PRKD1: variants seen among roughly 807,000 people sequenced by gnomAD.
The protein encoded by PRKD1 is protein kinase D1.
A neutral mutation model predicts 95.9 loss-of-function variants in PRKD1; 63 were observed. The observed-to-expected ratio is 0.66, with a 90% confidence interval of 0.54 to 0.81. The LOEUF is 0.81. Among genes scored for constraint, PRKD1 ranks in the 30% least tolerant of loss-of-function variants. The pLI, the probability that PRKD1 is intolerant of heterozygous loss-of-function variation, is 0.00. For missense variants in PRKD1, 1,048 were observed against 1,165.3 expected (o/e 0.90, Z 1.47); for synonymous variants, 425 against 423.1 (o/e 1.00, Z -0.05).
At chr14:29,908,741 G>A (rs184239460) in intron 1 of PRKD1, among the ~76,000 whole-genome samples, 8 of 152,348 alleles carry the variant, frequency 5.3e-5, no homozygotes, top group Admixed American at 3.9e-4. Context: ...ACACTAGAAA[G>A]TGGTGTCATG....
At chr14:29,757,731 T>C (rs1317041455) in intron 1 of PRKD1, among the ~76,000 whole-genome samples, 1 of 151,666 alleles carries the variant, frequency 6.6e-6, no homozygotes, top group Non-Finnish European at 1.5e-5. Context: ...AAACAGGGCC[T>C]GATCATAGAT....
At chr14:29,754,823 AT>A (rs1887624980) in intron 1 of PRKD1, among the ~76,000 whole-genome samples, 1 of 152,092 alleles carries the variant, frequency 6.6e-6, no homozygotes. Flanking sequence ...CTTTCATAAA[AT>A]TTTTGAAGTT....
intron 1 of PRKD1, among the ~76,000 whole-genome samples, chr14:29,839,092 CG>C (rs1040282106): frequency 2.7e-5 from 4 of 150,560 alleles, no homozygotes; most frequent in Non-Finnish European, 1.5e-5. Flanking sequence ...CATCAATAAA[CG>C]AAAAAAAAAA....
intron 1 of PRKD1, among the ~76,000 whole-genome samples, chr14:29,830,453 G>C (rs894138761): frequency 6.6e-6 from 1 of 151,976 alleles, no homozygotes; most frequent in African/African-American, 2.4e-5. Flanking sequence ...ATTAATCTAA[G>C]AATTAAGTCA....
rs564045463 is a variant in PRKD1, at chr14:29,794,909, C to T, written c.265-69235G>A. Among the ~76,000 whole-genome samples, 8 of 152,176 alleles carry T rather than the reference C, an allele frequency of 5.3e-5. No homozygotes were observed. The South Asian group carries it at 1.7e-3, about 32-fold the overall frequency. On this transcript the variant is annotated intron_variant, in intron 1 of 17. Coordinates refer to ENST00000331968, the MANE Select transcript of PRKD1 (RefSeq NM_002742.3). ...GCAATGTGTGAGTTCATAAACATCC[C>T]TACAGACTCACTAAAAATCAGATTT...
intron 1 of PRKD1, among the ~76,000 whole-genome samples, chr14:29,755,399 C>A (rs1323247537): frequency 6.6e-6 from 1 of 152,064 alleles, no homozygotes; most frequent in Non-Finnish European, 1.5e-5. Context: ...AATGATGTAG[C>A]CTTCTATTCC....
Position 29,725,614 on chromosome 14 carries a change from T to C in PRKD1, c.325A>G (p.Thr109Ala). Reference protein sequence around the residue: ...DKILLFRHDPTSENILQLVKA... With the variant: ...DKILLFRHDPASENILQLVKA... ...ACCAGCTGAAGGATGTTTTCAGAGG[T>C]AGGGTCATGGCGAAAAAGCAGGATC... The change falls in exon 2 of 18, where the codon ACC (threonine) becomes GCC (alanine). Residue 109 changes from threonine to alanine, a missense_variant. Thr to Ala is a moderately conservative substitution (Grantham distance 58). This residue lies in a region of PRKD1 where 275 missense variants were observed against 248.6 expected (regional missense o/e 1.11). Coordinates refer to ENST00000331968, the MANE Select transcript of PRKD1 (RefSeq NM_002742.3). 1 of 1,613,596 alleles carries C rather than the reference T, an allele frequency of 6.2e-7. No individual in the cohort carries two copies. The highest frequency in any genetic ancestry group is 8.5e-7 in the Non-Finnish European group (1 of 1,179,710).
intron 1 of PRKD1, among the ~76,000 whole-genome samples, chr14:29,865,304 G>GT (rs1381335550): frequency 6.6e-5 from 10 of 152,232 alleles, no homozygotes; most frequent in South Asian, 2.1e-4. Context: ...AAATAAATAG[G>GT]TTTTTTTAAA....
At chr14:29,617,203 T>A (rs1186674064) in intron 13 of PRKD1, among the ~76,000 whole-genome samples, 1 of 152,182 alleles carries the variant, frequency 6.6e-6, no homozygotes, top group Non-Finnish European at 1.5e-5. Context: ...TCTACCATTT[T>A]TCACCATTTA....
At chr14:29,678,300 A>G (rs1290996841) in intron 2 of PRKD1, among the ~76,000 whole-genome samples, 1 of 152,178 alleles carries the variant, frequency 6.6e-6, no homozygotes, top group East Asian at 1.9e-4. Flanking sequence ...ATGTCTCTAC[A>G]TCTTGGTAAA....
At chr14:29,727,468 C>T (rs1369948964) in intron 1 of PRKD1, among the ~76,000 whole-genome samples, 1 of 151,514 alleles carries the variant, frequency 6.6e-6, no homozygotes, top group Non-Finnish European at 1.5e-5. Flanking sequence ...AAGTCCTTGC[C>T]CGTGCCTATG....
At position 29,672,351 on chromosome 14, in the gene PRKD1, T is replaced by A. The variant is rs574945962; in HGVS notation, c.404-6143A>T. On this transcript the variant is annotated intron_variant, in intron 2 of 17. Transcript: ENST00000331968. ...GCGAGACTCTGTCTCAAAAAAAAAATAAAATAAAATAAAATAAAATAAAAT... is the reference window on the plus strand; with the variant it reads ...GCGAGACTCTGTCTCAAAAAAAAAAAAAAATAAAATAAAATAAAATAAAAT... Among the ~76,000 whole-genome samples, 729 of 146,418 alleles carry A rather than the reference T, an allele frequency of 5.0e-3. 4 individuals carry two copies. The highest frequency in any genetic ancestry group is 0.013 in the African/African-American group (509 of 37,908).
At chr14:29,734,106 G>A (rs973040753) in intron 1 of PRKD1, among the ~76,000 whole-genome samples, 16 of 129,804 alleles carry the variant, frequency 1.2e-4, no homozygotes, top group Admixed American at 4.6e-4. Context: ...GCAATGGCGC[G>A]ATCTTGGCTC....
chr14:29,857,786 G>A (rs941917449), intron 1 of PRKD1, among the ~76,000 whole-genome samples: 2 of 152,126 alleles, frequency 1.3e-5, no homozygotes, highest in South Asian at 4.1e-4. Context: ...GGAAGTCTAA[G>A]GTGGTGAAAA....
At chr14:29,926,760 C>T (rs1331240084) in intron 1 of PRKD1, among the ~76,000 whole-genome samples, 1 of 152,128 alleles carries the variant, frequency 6.6e-6, no homozygotes, top group Admixed American at 6.5e-5. Flanking sequence ...GTTTTGACAA[C>T]TGGCCGAGTC....
intron 16 of PRKD1, among the ~76,000 whole-genome samples, chr14:29,591,930 C>T (rs1893144030): frequency 6.6e-6 from 1 of 152,090 alleles, no homozygotes; most frequent in Non-Finnish European, 1.5e-5. Flanking sequence ...GAGGGCCATA[C>T]TGGTAAATGA....
chr14:29,632,583 A>T (rs917862674), intron 9 of PRKD1, among the ~76,000 whole-genome samples: 7 of 152,092 alleles, frequency 4.6e-5, no homozygotes, highest in African/African-American at 1.7e-4. Flanking sequence ...GTTAAATCAC[A>T]CTTCTCTGCT....
At chr14:29,659,114 G>T (rs1882053376) in intron 4 of PRKD1, among the ~76,000 whole-genome samples, 1 of 152,142 alleles carries the variant, frequency 6.6e-6, no homozygotes, top group Admixed American at 6.5e-5. Context: ...CCCAGATCAA[G>T]ATATATAATA....
At chr14:29,617,049 C>T (rs1457632385) in intron 13 of PRKD1, among the ~76,000 whole-genome samples, 1 of 152,114 alleles carries the variant, frequency 6.6e-6, no homozygotes, top group African/African-American at 2.4e-5. Context: ...TGAGAACATG[C>T]AGTATTTTGT....
Sources: gnomAD v4.1 joint callset for allele counts (sites outside exome capture counted in the v4.1 genomes callset) on GRCh38, gnomAD v4.1.1 for gene constraint, gnomAD v4.1.1 regional missense constraint, MANE v1.5 for transcripts, NCBI Gene and HGNC (gene_info 2026-07-23, HGNC 2026-07-21) for gene names.